The following LDLRAD3 variants were observed in gnomAD, a reference collection of about 807,000 sequenced individuals.
LDLRAD3 encodes low-density lipoprotein receptor class A domain-containing protein 3.
In LDLRAD3, 20 loss-of-function variants were observed where a neutral mutation model predicts 29.4. The observed-to-expected ratio is 0.68, with a 90% CI of 0.48 to 0.99. The LOEUF (loss-of-function observed/expected upper bound fraction) is 0.99, where lower values mean the gene tolerates loss of function less well. Ranked by LOEUF, LDLRAD3 falls within the 50% of genes least tolerant of loss-of-function variation. The probability of loss-of-function intolerance (pLI) is 0.00; values close to 1 mark genes in which losing one functional copy is unlikely to be tolerated. For synonymous variants in LDLRAD3, 157 were observed against 192.7 expected, an observed-to-expected ratio of 0.81 and a Z score of 1.53; for missense variants, 420 against 454.3, an observed-to-expected ratio of 0.92 and a Z score of 0.69.
intron 2 of LDLRAD3, among the ~76,000 whole-genome samples, chr11:36,077,128 C>T (rs1021434419): frequency 4.6e-5 from 7 of 152,286 alleles, no homozygotes; most frequent in Middle Eastern, 3.4e-3. Flanking sequence ...TAGATATACT[C>T]GGAGAAATGT....
At chr11:36,011,847 G>T (rs1046818709) in intron 1 of LDLRAD3, among the ~76,000 whole-genome samples, 3 of 152,130 alleles carry the variant, frequency 2.0e-5, no homozygotes, top group African/African-American at 7.2e-5. Flanking sequence ...ACCAGTGCAG[G>T]CTCTAACACA....
chr11:36,104,219 C>T (rs113616777), intron 4 of LDLRAD3, among the ~76,000 whole-genome samples: 193 of 152,192 alleles, frequency 1.3e-3, no homozygotes, highest in African/African-American at 4.2e-3. Flanking sequence ...CCTAAGCTAG[C>T]GGGGAACCGA....
intron 4 of LDLRAD3, among the ~76,000 whole-genome samples, chr11:36,174,001 G>A (rs1854635872): frequency 6.6e-6 from 1 of 152,162 alleles, no homozygotes; most frequent in South Asian, 2.1e-4. Context: ...GCATGATACT[G>A]GTACCAAAAC....
chr11:36,145,343 C>T (rs1854171792), intron 4 of LDLRAD3, among the ~76,000 whole-genome samples: 1 of 96,480 alleles, frequency 1.0e-5, no homozygotes, highest in Non-Finnish European at 2.1e-5. Context: ...AAGTGAGGAG[C>T]CCCTCTGCCC....
At chr11:36,063,648 G>A (rs1293634165) in intron 2 of LDLRAD3, among the ~76,000 whole-genome samples, 1 of 152,074 alleles carries the variant, frequency 6.6e-6, no homozygotes, top group Non-Finnish European at 1.5e-5. Flanking sequence ...ATTTCCAGTT[G>A]TTTCAGCCAT....
chr11:36,180,155 A>AT (rs1301047327), intron 4 of LDLRAD3, among the ~76,000 whole-genome samples: 5 of 151,790 alleles, frequency 3.3e-5, no homozygotes, highest in African/African-American at 9.7e-5. Flanking sequence ...GTACACTATC[A>AT]TTTTTCCTCA....
chr11:36,074,863 C>T (rs1852970215), intron 2 of LDLRAD3, among the ~76,000 whole-genome samples: 1 of 152,206 alleles, frequency 6.6e-6, no homozygotes, highest in Non-Finnish European at 1.5e-5. Context: ...TTTTCTGTTA[C>T]TGTAGACTTT....
chr11:36,147,232 C>G (rs1369577790), intron 4 of LDLRAD3, among the ~76,000 whole-genome samples: 1 of 151,016 alleles, frequency 6.6e-6, no homozygotes, highest in African/African-American at 2.4e-5. Flanking sequence ...ATTCTCCTGC[C>G]TCAGCCTCCC....
intron 1 of LDLRAD3, among the ~76,000 whole-genome samples, chr11:36,035,544 A>G (rs1264350743): frequency 1.3e-5 from 2 of 152,142 alleles, no homozygotes; most frequent in Non-Finnish European, 1.5e-5. Context: ...CCCAAGTTCA[A>G]GATTCAATGT....
chr11:36,230,461 T>A lies in LDLRAD3; in HGVS notation c.*1064T>A, dbSNP rs1486160756. 1 of 152,864 alleles carries A rather than the reference T, an allele frequency of 6.5e-6. No individual in the cohort carries two copies. Among genetic ancestry groups the A allele is most frequent in the East Asian group, 1.9e-4 (1 of 5,186 alleles). The allele number at this position is 152,864 out of a possible 1,614,324, so 9.5% of individuals were successfully genotyped here. ...ACAGGTGAGAGCCATGTTCAATACC[T>A]CCAGCAAGCTCTCCTGGCTCCCTGC... On this transcript the variant is annotated 3_prime_UTR_variant, in exon 6 of 6. Coordinates refer to ENST00000315571, the MANE Select transcript of LDLRAD3 (RefSeq NM_174902.4).
rs531023016 is a variant in LDLRAD3 at position 36,106,587 on chromosome 11, A to G, written c.454+8126A>G. On this transcript the variant is annotated intron_variant, in intron 4 of 5. Transcript: ENST00000315571. ...GAGGGTCCTAAGGGCTGCTAGGCAGAGGGGTCACCAAATCAGACCAACACT... is the reference window on the plus strand; with the variant it reads ...GAGGGTCCTAAGGGCTGCTAGGCAGGGGGGTCACCAAATCAGACCAACACT... 1.8e-3 allele frequency among the ~76,000 whole-genome samples: 273 copies of G among 152,326 alleles called. 2 individuals carry two copies. Among genetic ancestry groups the G allele is most frequent in the African/African-American group, 6.4e-3 (266 of 41,584 alleles).
At chr11:36,086,652 T>C (rs978443761) in intron 3 of LDLRAD3, among the ~76,000 whole-genome samples, 1 of 152,204 alleles carries the variant, frequency 6.6e-6, no homozygotes, top group Non-Finnish European at 1.5e-5. Flanking sequence ...TGAGCTCCTT[T>C]CTCTTCTTAG....
intron 4 of LDLRAD3, among the ~76,000 whole-genome samples, chr11:36,112,825 A>G (rs1853623599): frequency 6.6e-6 from 1 of 152,176 alleles, no homozygotes; most frequent in Non-Finnish European, 1.5e-5. Flanking sequence ...TGGAGAGAGT[A>G]TTTGCTTTTT....
intron 1 of LDLRAD3, among the ~76,000 whole-genome samples, chr11:35,971,820 A>G (rs1179109219): frequency 6.6e-6 from 1 of 152,140 alleles, no homozygotes; most frequent in Non-Finnish European, 1.5e-5. Context: ...GACCAGGGAG[A>G]TCTACAGAGG....
intron 2 of LDLRAD3, among the ~76,000 whole-genome samples, chr11:36,046,347 A>G (rs1852450543): frequency 6.6e-6 from 1 of 152,112 alleles, no homozygotes; most frequent in South Asian, 2.1e-4. Flanking sequence ...AGAGTCCAAT[A>G]AACCTCTTTT....
In LDLRAD3 at chr11:36,078,842, G is replaced by A. The variant is rs377407879; in HGVS notation, c.194-2811G>A. On this transcript the variant is annotated intron_variant, in intron 2 of 5. Coordinates refer to ENST00000315571, the MANE Select transcript of LDLRAD3 (RefSeq NM_174902.4). ...CTGTCACAGTGGCTCCCAGGGTGGC[G>A]GGCAAGGTGCAGGTGGTACGGCAGC... 1.5e-3 allele frequency among the ~76,000 whole-genome samples: 223 copies of A among 152,236 alleles called. 1 individual carries two copies. The South Asian group carries it at 0.019, about 13-fold the overall frequency.
At chr11:36,090,761 CT>C (rs1853268436) in intron 3 of LDLRAD3, among the ~76,000 whole-genome samples, 1 of 152,170 alleles carries the variant, frequency 6.6e-6, no homozygotes, top group African/African-American at 2.4e-5. Flanking sequence ...AGTGGCGGCC[CT>C]TTCCTCTCCT....
intron 4 of LDLRAD3, chr11:36,101,885 C>CTTTTTTTT: frequency 1.8e-5 from 4 of 224,084 alleles, no homozygotes; most frequent in Admixed American, 6.6e-5. Flanking sequence ...CCACTGTCAT[C>CTTTTTTTT]TTTTTTTTTT....
intron 1 of LDLRAD3, among the ~76,000 whole-genome samples, chr11:35,978,452 A>G (rs1199116671): frequency 6.6e-6 from 1 of 152,158 alleles, no homozygotes; most frequent in African/African-American, 2.4e-5. Context: ...CATCAGTTAA[A>G]TGTGTTTGCT....
Sources: gnomAD v4.1 joint callset for allele counts (sites outside exome capture counted in the v4.1 genomes callset) on GRCh38, gnomAD v4.1.1 for gene constraint, MANE v1.5 for transcripts, NCBI Gene and HGNC (gene_info 2026-07-23, HGNC 2026-07-21) for gene names.